Variants in RAPGEF4 observed in about 807,000 individuals in gnomAD.
RAPGEF4 encodes RAP guanine-nucleotide-exchange factor (GEF) 4.
Under a neutral mutation model 147.9 loss-of-function variants are expected in RAPGEF4, and 66 were observed. The observed-to-expected ratio is 0.45, with a 90% CI of 0.37 to 0.55. RAPGEF4 has a LOEUF of 0.55. RAPGEF4 is among the 20% of genes least tolerant of loss of function. The pLI is 0.00. For missense variants in RAPGEF4, 1,071 were observed against 1,257.3 expected (o/e 0.85, Z 2.24); for synonymous variants, 419 against 442.7 (o/e 0.95, Z 0.67).
At chr2:173,028,759 A>C (rs1488960470) in intron 25 of RAPGEF4, among the ~76,000 whole-genome samples, 1 of 152,198 alleles carries the variant, frequency 6.6e-6, no homozygotes, top group African/African-American at 2.4e-5. Flanking sequence ...GATCTACAAG[A>C]ATGAGGTTGA....
At chr2:172,781,250 C>T (rs1684650845) in intron 1 of RAPGEF4, among the ~76,000 whole-genome samples, 1 of 152,108 alleles carries the variant, frequency 6.6e-6, no homozygotes, top group African/African-American at 2.4e-5. Flanking sequence ...TTGTAGCCTG[C>T]TAGGTGGCCC....
intron 17 of RAPGEF4, among the ~76,000 whole-genome samples, chr2:173,002,474 T>C (rs1694027660): frequency 6.6e-6 from 1 of 152,204 alleles, no homozygotes; most frequent in Non-Finnish European, 1.5e-5. Context: ...GTATTATTAA[T>C]AAGCTTCACA....
chr2:172,902,176 G>A (rs1001525343), intron 4 of RAPGEF4, among the ~76,000 whole-genome samples: 3 of 152,142 alleles, frequency 2.0e-5, no homozygotes, highest in Non-Finnish European at 4.4e-5. Flanking sequence ...TAGGGGAGGC[G>A]AGTGGGGGCT....
chr2:173,014,090 G>T (rs747090619), intron 17 of RAPGEF4, among the ~76,000 whole-genome samples: 1 of 152,182 alleles, frequency 6.6e-6, no homozygotes, highest in South Asian at 2.1e-4. Flanking sequence ...CCAACAACGG[G>T]TGGAAATGCA....
At chr2:172,742,783 C>T (rs1331277740) in intron 1 of RAPGEF4, among the ~76,000 whole-genome samples, 1 of 152,168 alleles carries the variant, frequency 6.6e-6, no homozygotes, top group African/African-American at 2.4e-5. Context: ...TTAGCCAGAC[C>T]TGGACTCCCT....
chr2:172,822,341 A>T (rs550649839), intron 4 of RAPGEF4, among the ~76,000 whole-genome samples: 1 of 152,370 alleles, frequency 6.6e-6, no homozygotes, highest in East Asian at 1.9e-4. Flanking sequence ...TGAATGTCAC[A>T]TATTAAAAAT....
At chr2:172,848,285 C>T (rs1476873943) in intron 4 of RAPGEF4, among the ~76,000 whole-genome samples, 2 of 152,256 alleles carry the variant, frequency 1.3e-5, no homozygotes, top group Admixed American at 6.5e-5. Context: ...TCAAGGTATA[C>T]ATTCTTCCCC....
intron 5 of RAPGEF4, among the ~76,000 whole-genome samples, chr2:172,921,498 C>T (rs1384461493): frequency 6.6e-6 from 1 of 152,120 alleles, no homozygotes. Flanking sequence ...TTGTTGCAAA[C>T]CACCTCATAC....
chr2:172,911,259 C>G (rs927915218), intron 4 of RAPGEF4, among the ~76,000 whole-genome samples: 1 of 152,174 alleles, frequency 6.6e-6, no homozygotes, highest in Non-Finnish European at 1.5e-5. Context: ...AGACAAGTTA[C>G]GTGTCCCCCA....
intron 4 of RAPGEF4, among the ~76,000 whole-genome samples, chr2:172,911,967 A>G (rs1321154611): frequency 3.6e-4 from 54 of 151,488 alleles, no homozygotes; most frequent in Admixed American, 3.4e-3. Flanking sequence ...AGGTCTGGCT[A>G]TGTTGCCCAG....
At chr2:172,777,018 C>A (rs1684234393) in intron 1 of RAPGEF4, among the ~76,000 whole-genome samples, 1 of 152,124 alleles carries the variant, frequency 6.6e-6, no homozygotes, top group South Asian at 2.1e-4. Flanking sequence ...ACTGTGGATG[C>A]TATGCTATTG....
rs1242571182 is a variant in RAPGEF4 at position 172,911,219 on chromosome 2, T to G, written c.445-6583T>G. On this transcript the variant is annotated intron_variant, in intron 4 of 30. Coordinates refer to ENST00000397081, the MANE Select transcript of RAPGEF4 (RefSeq NM_007023.4). ...TTAGGTACAGTTCCCTGATGATGCT[T>G]CTTCTCAATCTCAGACCTATGAATG... Among the ~76,000 whole-genome samples the G allele has an allele frequency of 2.4e-4, 37 of 152,168 alleles. 1 individual carries two copies. The highest frequency in any genetic ancestry group is 2.4e-3 in the Admixed American group (37 of 15,278).
At chr2:172,953,785 A>T (rs1688460069) in intron 6 of RAPGEF4, among the ~76,000 whole-genome samples, 2 of 152,092 alleles carry the variant, frequency 1.3e-5, no homozygotes, top group South Asian at 2.1e-4. Flanking sequence ...TGAGGGTGAG[A>T]TCTGTGTCTC....
chr2:172,942,390 A>G (rs555128937), intron 6 of RAPGEF4, among the ~76,000 whole-genome samples: 2 of 151,676 alleles, frequency 1.3e-5, no homozygotes, highest in Non-Finnish European at 2.9e-5. Context: ...CCATGTTCAT[A>G]TTTTGCTAAA....
intron 8 of RAPGEF4, among the ~76,000 whole-genome samples, chr2:172,963,712 T>A (rs927052330): frequency 6.6e-6 from 1 of 152,230 alleles, no homozygotes; most frequent in Non-Finnish European, 1.5e-5. Flanking sequence ...CAGGACAGTC[T>A]GAGTTCCTTG....
intron 4 of RAPGEF4, among the ~76,000 whole-genome samples, chr2:172,833,456 A>G (rs1018924685): frequency 6.6e-6 from 1 of 152,210 alleles, no homozygotes. Context: ...GTGTAGGAGT[A>G]TACTTGTTTT....
intron 6 of RAPGEF4, among the ~76,000 whole-genome samples, chr2:172,934,393 C>T (rs898234311): frequency 2.0e-5 from 3 of 152,196 alleles, no homozygotes; most frequent in South Asian, 2.1e-4. Context: ...TCAGGCGATC[C>T]ACCTGCCTCA....
chr2:172,979,337 A>C (rs188485450), intron 10 of RAPGEF4, among the ~76,000 whole-genome samples: 1 of 152,218 alleles, frequency 6.6e-6, no homozygotes, highest in Non-Finnish European at 1.5e-5. Flanking sequence ...TAAATTCAGC[A>C]TGAATCATGA....
At chr2:172,928,374 C>T (rs3769259) in intron 6 of RAPGEF4, 182,124 of 358,476 alleles carry the variant, frequency 0.51, 47,982 homozygotes, top group East Asian at 0.68. Context: ...TTAGGAATGA[C>T]GTGTAGTTGT....
Sources: allele counts gnomAD v4.1 joint callset (sites outside exome capture counted in the v4.1 genomes callset), GRCh38; gene constraint gnomAD v4.1.1; transcripts MANE v1.5; gene names NCBI Gene and HGNC (gene_info 2026-07-23, HGNC 2026-07-21).